The following DCC variants were observed in gnomAD, a reference collection of about 807,000 sequenced individuals.
The protein encoded by DCC is DCC netrin 1 receptor, also known as netrin receptor DCC.
DCC carries 58 observed loss-of-function variants against 172.5 expected under a neutral mutation model. That is an observed-to-expected ratio of 0.34 (90% CI 0.27 to 0.42). The LOEUF (loss-of-function observed/expected upper bound fraction) is 0.42, where lower values mean the gene tolerates loss of function less well. DCC is among the 10% of genes least tolerant of loss of function. The pLI is 1.00. For missense variants in DCC, 1,740 were observed against 1,791.0 expected, an observed-to-expected ratio of 0.97 and a Z score of 0.51; for synonymous variants, 709 against 644.5, an observed-to-expected ratio of 1.10 and a Z score of -1.52.
intron 1 of DCC, among the ~76,000 whole-genome samples, chr18:52,670,067 C>T (rs1370056744): frequency 6.6e-6 from 1 of 152,122 alleles, no homozygotes; most frequent in African/African-American, 2.4e-5. Flanking sequence ...GGGAATTGCA[C>T]TTGATGTGTT....
At chr18:52,798,757 C>CT (rs201788408) in intron 2 of DCC, among the ~76,000 whole-genome samples, 31,269 of 82,946 alleles carry the variant, frequency 0.38, 3,654 homozygotes, top group African/African-American at 0.44. Flanking sequence ...AGTTTTGTAT[C>CT]TTTTTTTTTT....
At chr18:53,192,450 A>T (rs1294397957) in intron 9 of DCC, among the ~76,000 whole-genome samples, 3 of 152,156 alleles carry the variant, frequency 2.0e-5, no homozygotes, top group Non-Finnish European at 4.4e-5. Context: ...AATTAGGGAA[A>T]TTATTTTGAG....
chr18:52,719,950 C>T (rs967320953), intron 1 of DCC, among the ~76,000 whole-genome samples: 19 of 152,112 alleles, frequency 1.2e-4, no homozygotes, highest in African/African-American at 3.6e-4. Flanking sequence ...TTTGGGGGTC[C>T]CTTCAACAAG....
At chr18:52,732,411 A>G (rs766712638) in intron 1 of DCC, among the ~76,000 whole-genome samples, 10 of 152,184 alleles carry the variant, frequency 6.6e-5, no homozygotes, top group Admixed American at 2.0e-4. Flanking sequence ...TTGTAGAGCA[A>G]TCATTATAAG....
intron 12 of DCC, among the ~76,000 whole-genome samples, chr18:53,275,303 T>C (rs1267634390): frequency 6.6e-6 from 1 of 152,108 alleles, no homozygotes; most frequent in Non-Finnish European, 1.5e-5. Context: ...AAAATCATTG[T>C]ACAAAAATTC....
chr18:52,768,186 A>T (rs1017847818), intron 2 of DCC, among the ~76,000 whole-genome samples: 9 of 152,242 alleles, frequency 5.9e-5, no homozygotes, highest in African/African-American at 2.2e-4. Context: ...AGAGCTTTAT[A>T]ACTCAGCATT....
chr18:52,548,156 TACAACA>T (rs2032666831), intron 1 of DCC, among the ~76,000 whole-genome samples: 1 of 152,162 alleles, frequency 6.6e-6, no homozygotes, highest in African/African-American at 2.4e-5. Flanking sequence ...CTTTTCCTTT[TACAACA>T]TTGGACTCAA....
chr18:53,477,163 C>G (rs765500542), intron 25 of DCC, among the ~76,000 whole-genome samples: 1 of 152,106 alleles, frequency 6.6e-6, no homozygotes, highest in African/African-American at 2.4e-5. Flanking sequence ...CATAAGCCAA[C>G]ATGCCCAGCT....
At chr18:53,217,262 TACACACACACACACACAC>T (rs36226906) in intron 12 of DCC, among the ~76,000 whole-genome samples, 1 of 133,292 alleles carries the variant, frequency 7.5e-6, no homozygotes. Flanking sequence ...ATATATATTA[TACACACACACACACACAC>T]ACACACACAC....
intron 5 of DCC, among the ~76,000 whole-genome samples, chr18:52,941,878 G>A (rs965739630): frequency 2.1e-4 from 32 of 152,198 alleles, no homozygotes; most frequent in African/African-American, 7.2e-4. Context: ...TGCCTGCCAG[G>A]TTCAAGCAAT....
chr18:52,919,010 C>A (rs1192009837), intron 3 of DCC, among the ~76,000 whole-genome samples: 2 of 152,150 alleles, frequency 1.3e-5, no homozygotes. Context: ...TTACACTTGG[C>A]CTCACTTATG....
At chr18:53,313,745 T>G (rs751267636) in intron 13 of DCC, among the ~76,000 whole-genome samples, 1 of 152,220 alleles carries the variant, frequency 6.6e-6, no homozygotes, top group Non-Finnish European at 1.5e-5. Context: ...TTGTTGCTAA[T>G]GTCTCTCTTG....
chr18:52,706,741 G>A (rs1391448454), intron 1 of DCC, among the ~76,000 whole-genome samples: 1 of 152,128 alleles, frequency 6.6e-6, no homozygotes, highest in Non-Finnish European at 1.5e-5. Flanking sequence ...TACTGGAAAG[G>A]GAGAGATGAA....
intron 1 of DCC, among the ~76,000 whole-genome samples, chr18:52,452,550 G>A (rs1398345646): frequency 6.6e-6 from 1 of 152,162 alleles, no homozygotes; most frequent in African/African-American, 2.4e-5. Context: ...AGGGGAAGAT[G>A]CTTTTACATC....
At chr18:52,957,992 A>G (rs922972837) in intron 5 of DCC, among the ~76,000 whole-genome samples, 1 of 152,154 alleles carries the variant, frequency 6.6e-6, no homozygotes, top group Non-Finnish European at 1.5e-5. Context: ...AACACCAATA[A>G]GGCTATTGCA....
intron 1 of DCC, among the ~76,000 whole-genome samples, chr18:52,583,033 C>T (rs2033589427): frequency 6.6e-6 from 1 of 151,982 alleles, no homozygotes; most frequent in Non-Finnish European, 1.5e-5. Flanking sequence ...ATCTGAGAGA[C>T]AGAAAATTCA....
At chr18:52,533,857 TCA>T (rs1176404682) in intron 1 of DCC, among the ~76,000 whole-genome samples, 60 of 152,282 alleles carry the variant, frequency 3.9e-4, no homozygotes, top group African/African-American at 1.4e-3. Context: ...TACATTCACA[TCA>T]GCAGTGTATA....
chr18:53,425,054 G>C lies in DCC; in HGVS notation c.3163+8898G>C, dbSNP rs192205793. Among the ~76,000 whole-genome samples, 1,129 of 152,056 alleles carry C rather than the reference G, an allele frequency of 7.4e-3. 16 individuals are homozygous for C. The highest frequency in any genetic ancestry group is 0.027 in the Admixed American group (412 of 15,264). On this transcript the variant is annotated intron_variant, in intron 21 of 28. Coordinates refer to ENST00000442544, the MANE Select transcript of DCC (RefSeq NM_005215.4). ...AGGGAGAGAAAAGGATGATGGGATG[G>C]GAGTAGGAATGGGGCCTCAGTAGCA...
chr18:52,469,492 A>G (rs1361591040), intron 1 of DCC, among the ~76,000 whole-genome samples: 2 of 152,208 alleles, frequency 1.3e-5, no homozygotes, highest in African/African-American at 4.8e-5. Context: ...ATATTTGAAT[A>G]TACTTATTTT....
Sources: gnomAD v4.1 joint callset for allele counts (sites outside exome capture counted in the v4.1 genomes callset) on GRCh38, gnomAD v4.1.1 for gene constraint, MANE v1.5 for transcripts, NCBI Gene and HGNC (gene_info 2026-07-23, HGNC 2026-07-21) for gene names.